LRRC7: variants seen among roughly 807,000 people sequenced by gnomAD.
LRRC7 encodes leucine rich repeat containing 7.
In LRRC7, 23 loss-of-function variants were observed where a neutral mutation model predicts 175.7. The observed-to-expected ratio is 0.13, with a 90% confidence interval of 0.09 to 0.19. LRRC7 has a LOEUF of 0.19. Among genes scored for constraint, LRRC7 ranks in the 10% least tolerant of loss-of-function variants. The pLI is 1.00. For missense variants in LRRC7, 1,354 were observed against 1,904.7 expected (o/e 0.71, Z 5.38); for synonymous variants, 685 against 680.9 (o/e 1.01, Z -0.09).
intron 3 of LRRC7, among the ~76,000 whole-genome samples, chr1:69,765,841 A>T (rs1192314144): frequency 6.6e-6 from 1 of 152,054 alleles, no homozygotes; most frequent in Non-Finnish European, 1.5e-5. Context: ...TAACCATCAT[A>T]GTTACTTTCT....
At chr1:69,852,870 A>G (rs1184340935) in intron 7 of LRRC7, among the ~76,000 whole-genome samples, 3 of 152,330 alleles carry the variant, frequency 2.0e-5, no homozygotes, top group East Asian at 1.9e-4. Context: ...AAGAAGTTAC[A>G]GTGTATTGTA....
At chr1:69,856,863 A>G (rs1391083580) in intron 7 of LRRC7, among the ~76,000 whole-genome samples, 1 of 152,226 alleles carries the variant, frequency 6.6e-6, no homozygotes, top group Non-Finnish European at 1.5e-5. Context: ...AAAAATCCTC[A>G]ATAAAATACT....
intron 2 of LRRC7, among the ~76,000 whole-genome samples, chr1:69,690,091 T>C (rs886864841): frequency 1.3e-5 from 2 of 152,200 alleles, no homozygotes; most frequent in South Asian, 2.1e-4. Context: ...CGTAAGCTCT[T>C]CTATGGAAGG....
chr1:69,974,467 T>G (rs893311696), intron 8 of LRRC7, among the ~76,000 whole-genome samples: 7 of 152,240 alleles, frequency 4.6e-5, no homozygotes, highest in African/African-American at 1.7e-4. Flanking sequence ...AGTGCTCATC[T>G]TATAGCACTT....
At chr1:69,944,066 C>T (rs1649040270) in intron 8 of LRRC7, among the ~76,000 whole-genome samples, 1 of 151,734 alleles carries the variant, frequency 6.6e-6, no homozygotes, top group South Asian at 2.1e-4. Context: ...TGTTGTGCAG[C>T]AGATCTCTAG....
intron 1 of LRRC7, among the ~76,000 whole-genome samples, chr1:69,578,788 G>T (rs12038666): frequency 0.27 from 29,982 of 109,098 alleles, 4,103 homozygotes; most frequent in Middle Eastern, 0.43. Flanking sequence ...TCTGGGGACT[G>T]TTGTGGGGTG....
chr1:69,916,429 G>T (rs2101721087), intron 7 of LRRC7, among the ~76,000 whole-genome samples: 1 of 150,790 alleles, frequency 6.6e-6, no homozygotes, highest in South Asian at 2.1e-4. Context: ...GAAATGTCAG[G>T]AAGTTAACAC....
chr1:69,819,554 G>GCTCT (rs147116955), intron 4 of LRRC7, among the ~76,000 whole-genome samples: 94 of 134,598 alleles, frequency 7.0e-4, no homozygotes, highest in Middle Eastern at 3.9e-3. Context: ...TGAATGGAAT[G>GCTCT]CTCTCTCTCT....
chr1:69,788,424 G>A (rs1360834246), intron 3 of LRRC7, among the ~76,000 whole-genome samples: 1 of 152,206 alleles, frequency 6.6e-6, no homozygotes, highest in Admixed American at 6.5e-5. Flanking sequence ...TGAAACAGAA[G>A]TTGATTTCTT....
At chr1:69,968,368 A>G (rs1651874702) in intron 8 of LRRC7, among the ~76,000 whole-genome samples, 1 of 152,152 alleles carries the variant, frequency 6.6e-6, no homozygotes, top group Non-Finnish European at 1.5e-5. Flanking sequence ...CTAAGTTTGG[A>G]AAATACATTT....
intron 2 of LRRC7, among the ~76,000 whole-genome samples, chr1:69,698,358 C>T (rs1662880513): frequency 6.6e-6 from 1 of 152,206 alleles, no homozygotes; most frequent in African/African-American, 2.4e-5. Flanking sequence ...CTTTCTTATA[C>T]TGATGACAGT....
rs1391419986 is a variant in LRRC7 at position 69,828,638 on chromosome 1, T to G, written c.500+2812T>G. On this transcript the variant is annotated intron_variant, in intron 5 of 26. Coordinates refer to ENST00000651989, the MANE Select transcript of LRRC7 (RefSeq NM_001370785.2). ...AAACAATTAATAGATTAGAAAGAAATAAATGAAATGATAATCATGGTTGTG... is the reference window on the plus strand; with the variant it reads ...AAACAATTAATAGATTAGAAAGAAAGAAATGAAATGATAATCATGGTTGTG... Among the ~76,000 whole-genome samples the G allele has an allele frequency of 2.6e-5, 4 of 152,180 alleles. No individual in the cohort carries two copies. In the East Asian group the frequency reaches 5.8e-4, roughly 22 times the overall value.
At position 70,143,789 on chromosome 1, in the gene LRRC7, G is replaced by GTAA. The variant is rs1448152659; in HGVS notation, c.*21904_*21906dup. 6.6e-6 allele frequency: 1 copy of GTAA among 152,100 alleles called. No homozygotes were observed. Among genetic ancestry groups the GTAA allele is most frequent in the African/African-American group, 2.4e-5 (1 of 41,422 alleles). 9.4% of individuals were successfully genotyped at this position (152,100 alleles called of 1,614,324 possible). A position where few individuals can be genotyped will look rare whatever the true frequency, so the allele number is the denominator to read the frequency against. On this transcript the variant is annotated 3_prime_UTR_variant, in exon 27 of 27. Transcript: ENST00000651989. ...CATGTTTAACTGAAATGGCTGTATT[G>GTAA]TAATTAATATTTTGAGATAATTGTG...
chr1:70,056,847 G>C (rs1183713472), intron 23 of LRRC7, among the ~76,000 whole-genome samples: 2 of 152,156 alleles, frequency 1.3e-5, no homozygotes, highest in Non-Finnish European at 2.9e-5. Context: ...TAACACTTTG[G>C]AAATAGTGAG....
At chr1:69,819,105 TG>T (rs1678929743) in intron 4 of LRRC7, among the ~76,000 whole-genome samples, 1 of 152,096 alleles carries the variant, frequency 6.6e-6, no homozygotes, top group Non-Finnish European at 1.5e-5. Flanking sequence ...CTCTGATATT[TG>T]TTGGGTTTGT....
chr1:69,810,358 T>G (rs1213674780), intron 4 of LRRC7, among the ~76,000 whole-genome samples: 11 of 152,190 alleles, frequency 7.2e-5, no homozygotes, highest in Non-Finnish European at 5.9e-5. Flanking sequence ...CAAAGTAATT[T>G]ATAGATTCAG....
At chr1:69,646,087 G>A (rs755932539) in intron 1 of LRRC7, among the ~76,000 whole-genome samples, 7 of 151,930 alleles carry the variant, frequency 4.6e-5, no homozygotes, top group Non-Finnish European at 1.0e-4. Flanking sequence ...TGGCTAATTG[G>A]ACAGCATACT....
chr1:69,993,439 C>A (rs1654629401), intron 10 of LRRC7, among the ~76,000 whole-genome samples: 1 of 152,090 alleles, frequency 6.6e-6, no homozygotes, highest in Non-Finnish European at 1.5e-5. Context: ...CTGTTAGGAA[C>A]CCTCAAAATA....
At chr1:69,723,926 A>G (rs1666642726) in intron 2 of LRRC7, among the ~76,000 whole-genome samples, 1 of 152,102 alleles carries the variant, frequency 6.6e-6, no homozygotes, top group South Asian at 2.1e-4. Flanking sequence ...TTCTCCTAAT[A>G]CTTTACTTTG....
Sources: allele counts gnomAD v4.1 joint callset (sites outside exome capture counted in the v4.1 genomes callset), GRCh38; gene constraint gnomAD v4.1.1; transcripts MANE v1.5; gene names NCBI Gene and HGNC (gene_info 2026-07-23, HGNC 2026-07-21).